DACH2: variants seen among roughly 807,000 people sequenced by gnomAD.
DACH2 encodes the protein dachshund family transcription factor 2.
Under a neutral mutation model 35.8 loss-of-function variants are expected in DACH2, and 17 were observed. The observed-to-expected ratio is 0.48, with a 90% confidence interval of 0.33 to 0.71. The LOEUF (loss-of-function observed/expected upper bound fraction) is 0.71, where lower values mean the gene tolerates loss of function less well. Ranked by LOEUF, DACH2 falls within the 30% of genes least tolerant of loss-of-function variation. DACH2 has a pLI of 0.02. For synonymous variants in DACH2, 195 were observed against 177.3 expected, an observed-to-expected ratio of 1.10 and a Z score of -0.79; for missense variants, 469 against 472.7, an observed-to-expected ratio of 0.99 and a Z score of 0.07.
At chrX:86,405,676 A>G (rs2036516467) in intron 2 of DACH2, among the ~76,000 whole-genome samples, 1 of 111,520 alleles carries the variant, frequency 9.0e-6, no homozygotes, top group Admixed American at 9.6e-5. Flanking sequence ...TCTGCCTGTT[A>G]CCCAGTTCCA....
intron 2 of DACH2, among the ~76,000 whole-genome samples, chrX:86,444,234 C>G (rs1320097330): frequency 9.0e-6 from 1 of 111,432 alleles, no homozygotes; most frequent in Admixed American, 9.6e-5. Context: ...TACAGGCACA[C>G]ACCACGATAA....
intron 3 of DACH2, among the ~76,000 whole-genome samples, chrX:86,537,390 G>A (rs1263644712): frequency 1.8e-5 from 2 of 110,972 alleles, no homozygotes; most frequent in African/African-American, 6.6e-5. Flanking sequence ...TTTCTAAAGT[G>A]CGTTTGGGGT....
chrX:86,312,391 CTTT>C (rs1241369274), intron 1 of DACH2, among the ~76,000 whole-genome samples: 2 of 111,233 alleles, frequency 1.8e-5, no homozygotes, highest in Non-Finnish European at 1.9e-5. Context: ...TCACTATTTT[CTTT>C]ATTTGAAGAT....
At chrX:86,559,903 G>T (rs1313498658) in intron 3 of DACH2, among the ~76,000 whole-genome samples, 833 of 68,472 alleles carry the variant, frequency 0.012, 35 homozygotes, top group Middle Eastern at 0.022. Context: ...CAATTTGCCA[G>T]TCTGTGTCTT....
intron 3 of DACH2, among the ~76,000 whole-genome samples, chrX:86,650,099 T>C (rs1329328328): frequency 9.0e-6 from 1 of 110,972 alleles, no homozygotes; most frequent in Non-Finnish European, 1.9e-5. Flanking sequence ...TCCTTATATA[T>C]GGTTGTGTTG....
chrX:86,670,876 A>G (rs2040756978), intron 4 of DACH2, among the ~76,000 whole-genome samples: 1 of 112,003 alleles, frequency 8.9e-6, no homozygotes, highest in Admixed American at 9.5e-5. Flanking sequence ...TAAATTGACC[A>G]TCATATTTTA....
At chrX:86,827,926 C>T (rs2042577457) in intron 11 of DACH2, 2 of 612,987 alleles carry the variant, frequency 3.3e-6, no homozygotes, top group Admixed American at 3.6e-5. Context: ...TAAATAGAAC[C>T]TTACACATAC....
intron 7 of DACH2, among the ~76,000 whole-genome samples, chrX:86,786,387 T>A (rs1187797434): frequency 2.0e-5 from 2 of 99,785 alleles, no homozygotes; most frequent in Non-Finnish European, 4.4e-5. Flanking sequence ...TATATCACAG[T>A]TGATACCTGC....
intron 3 of DACH2, among the ~76,000 whole-genome samples, chrX:86,605,791 T>A (rs1239071019): frequency 2.7e-5 from 3 of 110,799 alleles, no homozygotes; most frequent in Non-Finnish European, 5.7e-5. Context: ...TTTACTCAAT[T>A]TGGTGTTTTT....
At chrX:86,563,258 G>C (rs1256344470) in intron 3 of DACH2, among the ~76,000 whole-genome samples, 3 of 110,038 alleles carry the variant, frequency 2.7e-5, no homozygotes, top group African/African-American at 9.9e-5. Context: ...CTAATTTTAA[G>C]GAAATTTTAT....
At chrX:86,762,259 T>G (rs984740524) in intron 7 of DACH2, among the ~76,000 whole-genome samples, 1 of 111,427 alleles carries the variant, frequency 9.0e-6, no homozygotes, top group Non-Finnish European at 1.9e-5. Flanking sequence ...AACAGCTCTC[T>G]CAAGTTATTC....
intron 3 of DACH2, among the ~76,000 whole-genome samples, chrX:86,533,002 A>G (rs1457537596): frequency 8.9e-6 from 1 of 111,893 alleles, no homozygotes; most frequent in Admixed American, 9.5e-5. Context: ...TGTTCATTTG[A>G]CTAGCAATGG....
At position 86,742,320 on chromosome X, in the gene DACH2, A is replaced by G. The variant is rs1358237515; in HGVS notation, c.1240+2438A>G. Among the ~76,000 whole-genome samples, 24 of 111,100 alleles carry G rather than the reference A, an allele frequency of 2.2e-4. No individual in the cohort carries two copies. The Admixed American group carries it at 2.2e-3, about 10-fold the overall frequency. ...TGAAAATTAACATTTTTCTCTTTCA[A>G]TATGTTTTATAAAGTATCATAATAA... On this transcript the variant is annotated intron_variant, in intron 7 of 11. Transcript: ENST00000373125.
At chrX:86,292,681 G>A (rs2034331405) in intron 1 of DACH2, among the ~76,000 whole-genome samples, 1 of 111,288 alleles carries the variant, frequency 9.0e-6, no homozygotes, top group Non-Finnish European at 1.9e-5. Context: ...ATTTCGTTAT[G>A]TACTCAGTAG....
chrX:86,301,839 A>G (rs983061618), intron 1 of DACH2, among the ~76,000 whole-genome samples: 2 of 111,604 alleles, frequency 1.8e-5, no homozygotes, highest in Non-Finnish European at 3.8e-5. Context: ...AGGATTTCTA[A>G]AATTTTTCAA....
chrX:86,311,491 G>A (rs1007555704), intron 1 of DACH2, among the ~76,000 whole-genome samples: 4 of 111,449 alleles, frequency 3.6e-5, no homozygotes, highest in African/African-American at 1.3e-4. Flanking sequence ...AGAAGGCCAT[G>A]TATGCTCTGA....
intron 3 of DACH2, among the ~76,000 whole-genome samples, chrX:86,528,849 A>G (rs1342522403): frequency 8.9e-6 from 1 of 112,195 alleles, no homozygotes; most frequent in Non-Finnish European, 1.9e-5. Context: ...GTACATGTGA[A>G]ATGCTATTAC....
At chrX:86,325,372 G>A (rs2035096043) in intron 1 of DACH2, among the ~76,000 whole-genome samples, 1 of 110,956 alleles carries the variant, frequency 9.0e-6, no homozygotes, top group Non-Finnish European at 1.9e-5. Flanking sequence ...GAGAGAGAGA[G>A]GAAAAAGTTT....
At chrX:86,450,216 C>T (rs1398870647) in intron 2 of DACH2, among the ~76,000 whole-genome samples, 2 of 110,685 alleles carry the variant, frequency 1.8e-5, no homozygotes, top group Non-Finnish European at 3.8e-5. Context: ...TCCTGATCCT[C>T]TCCATCCTCC....
Sources: allele counts gnomAD v4.1 joint callset (sites outside exome capture counted in the v4.1 genomes callset), GRCh38; gene constraint gnomAD v4.1.1; transcripts MANE v1.5; gene names NCBI Gene and HGNC (gene_info 2026-07-23, HGNC 2026-07-21).